Variants in CFAP44 observed in about 807,000 individuals in gnomAD.
CFAP44 encodes cilia and flagella associated protein 44.
Under a neutral mutation model 216.2 loss-of-function variants are expected in CFAP44, and 134 were observed. That is an observed-to-expected ratio of 0.62 (90% CI 0.54 to 0.72). CFAP44 has a LOEUF of 0.72. Among genes scored for constraint, CFAP44 ranks in the 30% least tolerant of loss-of-function variants. CFAP44 has a pLI of 0.00. For missense variants in CFAP44, 2,035 were observed against 2,182.1 expected (o/e 0.93, Z 1.34); for synonymous variants, 700 against 727.6 (o/e 0.96, Z 0.61).
rs1576530986 is a variant in CFAP44 at position 113,291,276 on chromosome 3, C to G, written c.*281G>C. 2 of 271,950 alleles carry G rather than the reference C, an allele frequency of 7.4e-6. No homozygotes were observed. The highest frequency in any genetic ancestry group is 1.3e-4 in the East Asian group (2 of 15,670). The allele number at this position is 271,950 out of a possible 1,614,324, so 16.8% of individuals were successfully genotyped here. On this transcript the variant is annotated 3_prime_UTR_variant, in exon 35 of 35. Coordinates refer to ENST00000393845, the MANE Select transcript of CFAP44 (RefSeq NM_001164496.2). ...AACAAAATATATTACAGGTGATTTGCTGCAATCATGAAACACAGCCTTCCG... is the reference window on the plus strand; with the variant it reads ...AACAAAATATATTACAGGTGATTTGGTGCAATCATGAAACACAGCCTTCCG...
intron 3 of CFAP44, among the ~76,000 whole-genome samples, chr3:113,426,515 GC>G (rs964896021): frequency 6.6e-6 from 1 of 152,088 alleles, no homozygotes; most frequent in African/African-American, 2.4e-5. Context: ...TCTCCTTCCT[GC>G]CATTATGTGA....
chr3:113,422,619 A>C lies in CFAP44; in HGVS notation c.408-2440T>G, dbSNP rs540923946. ...TCCAAAGATGTAAATGAAGCTATTC[A>C]AGCCTCCTGGAGGAAGTTTTGCCCA... On this transcript the variant is annotated intron_variant, in intron 4 of 34. Transcript: ENST00000393845. 4.7e-4 allele frequency among the ~76,000 whole-genome samples: 72 copies of C among 152,220 alleles called. 1 individual carries two copies. The highest frequency in any genetic ancestry group is 4.7e-4 in the Non-Finnish European group (32 of 68,046).
At chr3:113,334,903 T>A (rs1382387982) in intron 24 of CFAP44, among the ~76,000 whole-genome samples, 3 of 152,200 alleles carry the variant, frequency 2.0e-5, no homozygotes, top group African/African-American at 7.2e-5. Flanking sequence ...TAAAGTAAAG[T>A]CTACTAGCCA....
intron 28 of CFAP44, among the ~76,000 whole-genome samples, chr3:113,312,059 C>CTG (rs1220826716): frequency 5.8e-4 from 85 of 145,780 alleles, no homozygotes; most frequent in East Asian, 1.0e-3. Flanking sequence ...TTGTGTGTGT[C>CTG]TGTGTGTGTG....
intron 13 of CFAP44, among the ~76,000 whole-genome samples, chr3:113,398,504 T>G (rs925681242): frequency 2.6e-5 from 4 of 152,210 alleles, no homozygotes; most frequent in Non-Finnish European, 4.4e-5. Flanking sequence ...CTGTGAACAT[T>G]ACACGATCAT....
Position 113,287,310 on chromosome 3 carries a change from C to CT in CFAP44, c.*4246dup. ...ATCCGGTGCTACGGGAAACATTTTCCTAAGATGCCCATGAGAACAGACCAA... is the reference window on the plus strand; with the variant it reads ...ATCCGGTGCTACGGGAAACATTTTCCTTAAGATGCCCATGAGAACAGACCAA... On this transcript the variant is annotated 3_prime_UTR_variant, in exon 35 of 35. Transcript: ENST00000393845. The CT allele has an allele frequency of 3.3e-6, 1 of 306,340 alleles. No homozygotes were observed. The highest frequency in any genetic ancestry group is 2.2e-5 in the African/African-American group (1 of 45,726). 19.0% of individuals were successfully genotyped at this position (306,340 alleles called of 1,614,324 possible). A position where few individuals can be genotyped will look rare whatever the true frequency, so the allele number is the denominator to read the frequency against.
At chr3:113,296,941 G>C in intron 32 of CFAP44, 56 bp from the exon 33 acceptor site, 1 of 1,506,974 alleles carries the variant, frequency 6.6e-7, no homozygotes, top group Non-Finnish European at 8.9e-7. Context: ...TGTTATAAAT[G>C]AACACCAGGA....
At chr3:113,303,571 A>T (rs900759194) in intron 32 of CFAP44, among the ~76,000 whole-genome samples, 1 of 152,244 alleles carries the variant, frequency 6.6e-6, no homozygotes, top group Non-Finnish European at 1.5e-5. Flanking sequence ...GGAAGGAGCC[A>T]CAGAATTGCA....
intron 9 of CFAP44, among the ~76,000 whole-genome samples, chr3:113,402,030 T>G (rs1200560166): frequency 6.6e-6 from 1 of 152,182 alleles, no homozygotes; most frequent in South Asian, 2.1e-4. Context: ...ATTTCAAGGT[T>G]TCTATTAGGT....
chr3:113,427,955 G>T (rs768900338), intron 2 of CFAP44, among the ~76,000 whole-genome samples: 25 of 152,154 alleles, frequency 1.6e-4, no homozygotes, highest in Non-Finnish European at 3.4e-4. Context: ...GTACTACTAG[G>T]TACCAGAGCT....
intron 18 of CFAP44, among the ~76,000 whole-genome samples, chr3:113,370,884 T>C (rs1933131572): frequency 6.6e-6 from 1 of 151,984 alleles, no homozygotes; most frequent in African/African-American, 2.4e-5. Flanking sequence ...CGGCAAAGTC[T>C]CAGGATACAA....
intron 6 of CFAP44, among the ~76,000 whole-genome samples, chr3:113,414,141 C>A (rs1258886413): frequency 2.6e-5 from 4 of 152,234 alleles, no homozygotes; most frequent in South Asian, 2.1e-4. Flanking sequence ...GAAGTTCATT[C>A]ATGATTTGGC....
At chr3:113,432,210 A>T (rs1935123793) in intron 2 of CFAP44, 1 of 152,316 alleles carries the variant, frequency 6.6e-6, no homozygotes, top group African/African-American at 2.4e-5. Context: ...GTTATTATCA[A>T]CTTGTGTGCC....
intron 1 of CFAP44, chr3:113,433,931 A>G: frequency 3.5e-6 from 1 of 284,336 alleles, no homozygotes. Flanking sequence ...CCAGAGGTCC[A>G]CTACCAAAGT....
chr3:113,294,971 C>A, intron 33 of CFAP44, 150 bp from the exon 34 acceptor site: 1 of 920,424 alleles, frequency 1.1e-6, no homozygotes, highest in Non-Finnish European at 1.6e-6. Context: ...AAATGCAACA[C>A]AAAGTGCATT....
chr3:113,320,455 CA>C (rs1559910343), intron 28 of CFAP44, among the ~76,000 whole-genome samples: 7 of 92,214 alleles, frequency 7.6e-5, no homozygotes, highest in East Asian at 6.7e-4. Context: ...ATATATATTA[CA>C]TCTATATATC....
chr3:113,359,114 T>TAAA (rs892447532), intron 21 of CFAP44, among the ~76,000 whole-genome samples: 9 of 152,294 alleles, frequency 5.9e-5, no homozygotes, highest in African/African-American at 2.2e-4. Flanking sequence ...TTTCCCACAA[T>TAAA]AAAAATAATG....
rs994303990 is a variant in CFAP44 at position 113,327,738 on chromosome 3, A to C, written c.4198T>G (p.Leu1400Val). Residue 1400 changes from leucine (L) to valine (V), a missense_variant, in exon 27 of 35, where the codon TTA becomes GTA. Physicochemically the swap from Leu to Val is conservative, Grantham distance 32 (BLOSUM62 1). Around this residue, in one of 3 missense-constraint regions of CFAP44, gnomAD observed 1,883 missense variants for 2,023.7 expected, o/e 0.93. Transcript: ENST00000393845. The stretch of plus-strand genomic sequence containing the variant: ...AAGGTGACATGGTGCAGGTCAGATA[A>C]TTTCATCTGAGTATCTAGTTTTAGT... ...QKLKLDTQMKLSDLHHVTLFQ... is the reference protein window; with the variant it reads ...QKLKLDTQMKVSDLHHVTLFQ... 10 of 1,536,904 alleles carry C rather than the reference A, an allele frequency of 6.5e-6. No individual in the cohort carries two copies. The highest frequency in any genetic ancestry group is 1.7e-6 in the Non-Finnish European group (2 of 1,146,734).
In CFAP44 at chr3:113,333,593, A is replaced by C; in HGVS notation, c.3438-10T>G. ...AGGTTTACTCTTGTATCTATTAGAA[A>C]AACAGACAACCCCCCCACACACAAA... On this transcript the variant is annotated splice_polypyrimidine_tract_variant and intron_variant, in intron 24 of 34. Transcript: ENST00000393845. The C allele has an allele frequency of 6.6e-7, 1 of 1,507,694 alleles. No homozygotes were observed. Among genetic ancestry groups the C allele is most frequent in the Non-Finnish European group, 8.8e-7 (1 of 1,134,484 alleles). The allele number at this position is 1,507,694 out of a possible 1,614,324, so 93.4% of individuals were successfully genotyped here.
Sources: gnomAD v4.1 joint callset for allele counts (sites outside exome capture counted in the v4.1 genomes callset) on GRCh38, gnomAD v4.1.1 for gene constraint, gnomAD v4.1.1 regional missense constraint, MANE v1.5 for transcripts, NCBI Gene and HGNC (gene_info 2026-07-23, HGNC 2026-07-21) for gene names.